The following TGM2 variants were observed in gnomAD, a reference collection of about 807,000 sequenced individuals.
TGM2 encodes transglutaminase 2.
TGM2 carries 53 observed loss-of-function variants against 75.6 expected under a neutral mutation model. The observed-to-expected ratio is 0.70, with a 90% confidence interval of 0.56 to 0.88. The LOEUF is 0.88. Ranked by LOEUF, TGM2 falls within the 40% of genes least tolerant of loss-of-function variation. The pLI is 0.00. For missense variants in TGM2, 842 were observed against 928.5 expected (o/e 0.91, Z 1.21); for synonymous variants, 374 against 381.1 (o/e 0.98, Z 0.22).
intron 3 of TGM2, among the ~76,000 whole-genome samples, chr20:38,153,899 C>T (rs1323481664): frequency 6.6e-6 from 1 of 152,226 alleles, no homozygotes; most frequent in African/African-American, 2.4e-5. Context: ...TAACTGCAGC[C>T]TCAACCTCCT....
At position 38,128,533 on chromosome 20, in the gene TGM2, G is replaced by A. The variant is rs191698772; in HGVS notation, c.*1686C>T. 5 of 152,336 alleles carry A rather than the reference G, an allele frequency of 3.3e-5. No homozygotes were observed. In the East Asian group the frequency reaches 9.6e-4, roughly 29 times the overall value. 9.4% of individuals were successfully genotyped at this position (152,336 alleles called of 1,614,324 possible). A position where few individuals can be genotyped will look rare whatever the true frequency, so the allele number is the denominator to read the frequency against. On this transcript the variant is annotated 3_prime_UTR_variant, in exon 13 of 13. Coordinates refer to ENST00000361475, the MANE Select transcript of TGM2 (RefSeq NM_004613.4). Reference sequence around the variant, plus strand: ...GGTTCAGAAGCACATCTACTGCCTGGTTGGAACCCAAGGCTTTTATAAAAC... The same window carrying A: ...GGTTCAGAAGCACATCTACTGCCTGATTGGAACCCAAGGCTTTTATAAAAC...
chr20:38,139,844 T>C (rs1240851212), intron 8 of TGM2, among the ~76,000 whole-genome samples, 190 bp from the exon 9 acceptor site: 3 of 152,172 alleles, frequency 2.0e-5, no homozygotes, highest in Non-Finnish European at 4.4e-5. Flanking sequence ...GCACAACTTT[T>C]AAGGTTCAAA....
At chr20:38,147,841 C>T (rs2122913190) in intron 5 of TGM2, 120 bp downstream of exon 5, 3 of 1,441,822 alleles carry the variant, frequency 2.1e-6, no homozygotes, top group Middle Eastern at 2.4e-4. Context: ...GTCTTTTCCC[C>T]AAGACTTACC....
At chr20:38,152,608 C>T (rs1455333561) in intron 3 of TGM2, among the ~76,000 whole-genome samples, 5 of 152,306 alleles carry the variant, frequency 3.3e-5, no homozygotes, top group Middle Eastern at 3.4e-3. Flanking sequence ...GCACTGGGGA[C>T]GTGAAGCCTT....
intron 2 of TGM2, among the ~76,000 whole-genome samples, chr20:38,158,662 C>T (rs571696104): frequency 4.6e-5 from 7 of 152,332 alleles, no homozygotes; most frequent in Admixed American, 2.0e-4. Flanking sequence ...GACCCCATAA[C>T]GGAGTCTGTC....
intron 2 of TGM2, among the ~76,000 whole-genome samples, chr20:38,159,463 G>A (rs778120946): frequency 5.3e-5 from 8 of 151,688 alleles, no homozygotes; most frequent in Non-Finnish European, 1.2e-4. Context: ...CCCGTGACAC[G>A]AGTTTACCTA....
At chr20:38,165,285 C>CGGCGCTAACTTATAGCCCGCTTTGGG, upstream of TGM2, 1 of 1,597,550 alleles carries the variant, frequency 6.3e-7, no homozygotes, top group Admixed American at 1.7e-5. Context: ...AGGCGGAGAG[C>CGGCGCTAACTTATAGCCCGCTTTGGG]GGCGCTAACT....
rs747907744 is a variant in TGM2 at position 38,142,173 on chromosome 20, G to A, written c.886C>T (p.Arg296Cys). The change falls in exon 7 of 13, where the codon CGC (arginine) becomes TGC (cysteine). Residue 296 changes from arginine to cysteine, a missense_variant. By Grantham distance (180) the Arg-to-Cys change is radical. Coordinates refer to ENST00000361475, the MANE Select transcript of TGM2 (RefSeq NM_004613.4). Reference sequence around the variant, plus strand: ...GCCGAGTTGTAGTTGGTCACGACGCGGGTAGGGATGCCCAGGCACCTCAGC... The same window carrying A: ...GCCGAGTTGTAGTTGGTCACGACGCAGGTAGGGATGCCCAGGCACCTCAGC... ...TVLRCLGIPT[R>C]VVTNYNSAHD... 14 of 1,614,048 alleles carry A rather than the reference G, an allele frequency of 8.7e-6. No homozygotes were observed. The highest frequency in any genetic ancestry group is 4.0e-5 in the African/African-American group (3 of 74,900).
upstream of TGM2, chr20:38,165,318 C>T (rs940591205): frequency 5.4e-6 from 8 of 1,482,770 alleles, no homozygotes; most frequent in Admixed American, 1.2e-4. Flanking sequence ...TGGGGCGGGC[C>T]GGGGGCGGGG....
At chr20:38,165,399 G>T, upstream of TGM2, 5 of 716,896 alleles carry the variant, frequency 7.0e-6, no homozygotes, top group South Asian at 1.9e-5. Flanking sequence ...CAGCGCTGGG[G>T]CTCACCCAGG....
At chr20:38,166,677 C>T (rs2075312930), upstream of TGM2, 1 of 152,174 alleles carries the variant, frequency 6.6e-6, no homozygotes, top group African/African-American at 2.4e-5. Context: ...TAGAAGTAGC[C>T]CCCGTCTCCA....
At chr20:38,149,009 C>G (rs2075080908) in intron 4 of TGM2, among the ~76,000 whole-genome samples, 1 of 152,154 alleles carries the variant, frequency 6.6e-6, no homozygotes, top group African/African-American at 2.4e-5. Flanking sequence ...TTGCCATCGG[C>G]CTAATGTTCA....
At position 38,131,150 on chromosome 20, in the gene TGM2, C is replaced by A. The variant is rs371812638; in HGVS notation, c.1856G>T (p.Gly619Val). The A allele has an allele frequency of 1.2e-6, 2 of 1,613,792 alleles. No individual in the cohort carries two copies. The highest frequency in any genetic ancestry group is 2.7e-5 in the African/African-American group (2 of 75,002). ...LQNPLPVALE[G>V]CTFTVEGAGL... ...GGCCCCCTCCACAGTGAAGGTGCAG[C>A]CTTCCAGGGCCACAGGGAGCGGGTT... is the stretch of plus-strand genomic sequence containing the variant. Residue 619 changes from glycine (G) to valine (V), a missense_variant, in exon 12 of 13, where the codon GGC becomes GTC. Physicochemically the swap from Gly to Val is moderately radical, Grantham distance 109. Transcript: ENST00000361475.
chr20:38,153,546 AGAAT>A (rs936968240), intron 3 of TGM2, among the ~76,000 whole-genome samples: 1 of 151,680 alleles, frequency 6.6e-6, no homozygotes, highest in African/African-American at 2.4e-5. Flanking sequence ...AAAAAAAAAA[AGAAT>A]GAATGAGCAG....
chr20:38,167,933 G>T (rs906084734), upstream of TGM2, among the ~76,000 whole-genome samples: 2 of 152,132 alleles, frequency 1.3e-5, no homozygotes, highest in Non-Finnish European at 1.5e-5. Context: ...GTAAAATGGG[G>T]GCAGTATTGG....
rs1160007048 is a variant in TGM2 at position 38,138,349 on chromosome 20, T to C, written c.1379A>G (p.Asn460Ser). The C allele has an allele frequency of 6.2e-7, 1 of 1,614,090 alleles. No homozygotes were observed. Among genetic ancestry groups the C allele is most frequent in the African/African-American group, 1.3e-5 (1 of 75,016 alleles). Reference protein sequence around the residue: ...SEEREAFTRANHLNKLAEKEE... With the variant: ...SEEREAFTRASHLNKLAEKEE... ...CTTCTCGGCCAGTTTGTTCAGGTGG[T>C]TCGCCCTTGTGAAGGCCTCCCTCTC... Residue 460 changes from asparagine to serine, a missense_variant, in exon 10 of 13, where the codon AAC becomes AGC. Physicochemically the swap from Asn to Ser is conservative, Grantham distance 46 (BLOSUM62 1). Transcript: ENST00000361475.
chr20:38,165,233 G>A lies in TGM2; in HGVS notation c.-35C>T. ...GGGGCGGTGGCTCCTTCCACTGGCG[G>A]CGAGACCCTCCAAGTGCGACCACTG... On this transcript the variant is annotated 5_prime_UTR_variant, in exon 1 of 13. Coordinates refer to ENST00000361475, the MANE Select transcript of TGM2 (RefSeq NM_004613.4). The A allele has an allele frequency of 1.2e-6, 2 of 1,612,414 alleles. No individual in the cohort carries two copies. The highest frequency in any genetic ancestry group is 8.5e-7 in the Non-Finnish European group (1 of 1,179,852).
Position 38,139,502 on chromosome 20 carries a change from G to A in TGM2, c.1252C>T (p.Arg418Cys), listed in dbSNP as rs936429184. 8.7e-6 allele frequency: 14 copies of A among 1,614,072 alleles called. No homozygotes were observed. Among genetic ancestry groups the A allele is most frequent in the South Asian group, 2.2e-5 (2 of 91,086 alleles). ...ATCTTCAGCCCAACGATCAGGGAACGGTTGATGGATTTGTGCACAGACCCA... is the reference window on the plus strand; with the variant it reads ...ATCTTCAGCCCAACGATCAGGGAACAGTTGATGGATTTGTGCACAGACCCA... Reference protein sequence around the residue: ...DDGSVHKSINRSLIVGLKIST... With the variant: ...DDGSVHKSINCSLIVGLKIST... Residue 418 changes from arginine to cysteine, a missense_variant, in exon 9 of 13, where the codon CGT becomes TGT. Coordinates refer to ENST00000361475, the MANE Select transcript of TGM2 (RefSeq NM_004613.4).
At chr20:38,150,618 T>G (rs886363504) in intron 4 of TGM2, among the ~76,000 whole-genome samples, 1 of 152,230 alleles carries the variant, frequency 6.6e-6, no homozygotes, top group Non-Finnish European at 1.5e-5. Flanking sequence ...CAACTCCAAG[T>G]ACTGCCTATT....
Sources: allele counts gnomAD v4.1 joint callset (sites outside exome capture counted in the v4.1 genomes callset), GRCh38; gene constraint gnomAD v4.1.1; transcripts MANE v1.5; gene names NCBI Gene and HGNC (gene_info 2026-07-23, HGNC 2026-07-21).